XIRP2: variants seen among roughly 807,000 people sequenced by gnomAD.
XIRP2 encodes xin actin-binding repeat-containing protein 2.
A neutral mutation model predicts 277.0 loss-of-function variants in XIRP2; 236 were observed. The ratio of observed to expected loss-of-function variants is 0.85; its 90% CI spans 0.77 to 0.95. The LOEUF is 0.95. XIRP2 is among the 40% of genes least tolerant of loss of function. XIRP2 has a pLI of 0.00. For synonymous variants in XIRP2, 1,490 were observed against 1,416.5 expected, an observed-to-expected ratio of 1.05 and a Z score of -1.17; for missense variants, 4,640 against 4,157.5, an observed-to-expected ratio of 1.12 and a Z score of -3.19.
intron 2 of XIRP2, among the ~76,000 whole-genome samples, chr2:167,083,212 A>G (rs1558972907): frequency 6.6e-6 from 1 of 152,036 alleles, no homozygotes; most frequent in African/African-American, 2.4e-5. Context: ...TCCTTTCCCC[A>G]TTGCTTGCTT....
chr2:167,189,597 A>G (rs1399731020), intron 3 of XIRP2, among the ~76,000 whole-genome samples: 1 of 152,254 alleles, frequency 6.6e-6, no homozygotes, highest in East Asian at 1.9e-4. Context: ...CATCCCTCAC[A>G]GAACGGTTAC....
intron 2 of XIRP2, among the ~76,000 whole-genome samples, chr2:166,982,738 G>A (rs947827612): frequency 2.0e-5 from 3 of 151,978 alleles, no homozygotes; most frequent in Non-Finnish European, 2.9e-5. Context: ...CTATTTAAAA[G>A]CACATTTTCT....
chr2:167,037,545 G>A (rs1315125203), intron 2 of XIRP2, among the ~76,000 whole-genome samples: 1 of 151,332 alleles, frequency 6.6e-6, no homozygotes, highest in East Asian at 1.9e-4. Context: ...GTGTGTGTGT[G>A]TGTGTGTGTG....
chr2:167,012,009 T>C (rs868075712), intron 2 of XIRP2, among the ~76,000 whole-genome samples: 6 of 151,998 alleles, frequency 3.9e-5, no homozygotes, highest in Admixed American at 6.6e-5. Flanking sequence ...TTTGTTGATC[T>C]TTTCAAAAAA....
At chr2:167,128,874 A>T (rs184217272) in intron 2 of XIRP2, among the ~76,000 whole-genome samples, 89 of 152,222 alleles carry the variant, frequency 5.8e-4, no homozygotes, top group Admixed American at 3.9e-3. Flanking sequence ...CATCTTAATC[A>T]TTTTTGTAGT....
chr2:167,163,805 T>A (rs1305063522), intron 3 of XIRP2, among the ~76,000 whole-genome samples: 1 of 152,240 alleles, frequency 6.6e-6, no homozygotes, highest in East Asian at 1.9e-4. Flanking sequence ...AAATCTATGA[T>A]CTATGTTGAA....
At chr2:167,024,146 T>C (rs1203386378) in intron 2 of XIRP2, among the ~76,000 whole-genome samples, 1 of 152,124 alleles carries the variant, frequency 6.6e-6, no homozygotes, top group Non-Finnish European at 1.5e-5. Context: ...TGGTTTGTAG[T>C]TCTCCTTGAA....
intron 2 of XIRP2, among the ~76,000 whole-genome samples, chr2:167,056,704 T>C (rs1475625451): frequency 6.6e-6 from 1 of 152,184 alleles, no homozygotes; most frequent in Admixed American, 6.5e-5. Context: ...ATACATATTT[T>C]TATTTGTTTA....
chr2:167,024,571 T>A (rs956437149), intron 2 of XIRP2, among the ~76,000 whole-genome samples: 2 of 152,168 alleles, frequency 1.3e-5, no homozygotes, highest in African/African-American at 4.8e-5. Flanking sequence ...GCCCATTCAG[T>A]ATGATATTGG....
chr2:167,171,277 A>T (rs1692682987), intron 3 of XIRP2, among the ~76,000 whole-genome samples: 2 of 151,980 alleles, frequency 1.3e-5, no homozygotes, highest in South Asian at 4.2e-4. Context: ...CAATTTAAAC[A>T]TGTTTTTAGC....
At chr2:167,029,944 T>C (rs1574183508) in intron 2 of XIRP2, among the ~76,000 whole-genome samples, 1 of 151,724 alleles carries the variant, frequency 6.6e-6, no homozygotes, top group Non-Finnish European at 1.5e-5. Flanking sequence ...GTCTTGGGAG[T>C]GTGTATGTGT....
intron 3 of XIRP2, chr2:167,187,498 A>G (rs1693192355): frequency 2.0e-6 from 2 of 985,332 alleles, no homozygotes; most frequent in Non-Finnish European, 2.4e-6. Context: ...TGATATTTCC[A>G]CAAACTTGGG....
At chr2:167,012,752 G>C (rs1291382168) in intron 2 of XIRP2, among the ~76,000 whole-genome samples, 1 of 151,334 alleles carries the variant, frequency 6.6e-6, no homozygotes, top group African/African-American at 2.4e-5. Flanking sequence ...TTTTCTTTTA[G>C]AGATTCAGAC....
chr2:167,189,407 C>T (rs995197366), intron 3 of XIRP2, among the ~76,000 whole-genome samples: 5 of 152,116 alleles, frequency 3.3e-5, no homozygotes, highest in African/African-American at 4.8e-5. Context: ...CAGTGTAATT[C>T]CAAGATTTTT....
chr2:167,178,658 T>C (rs1692922605), intron 3 of XIRP2, among the ~76,000 whole-genome samples: 1 of 152,156 alleles, frequency 6.6e-6, no homozygotes, highest in African/African-American at 2.4e-5. Context: ...TTCACTTTTT[T>C]TTTTCTTTTT....
intron 2 of XIRP2, among the ~76,000 whole-genome samples, chr2:167,019,906 A>G (rs1249612255): frequency 1.3e-5 from 2 of 152,068 alleles, no homozygotes; most frequent in Non-Finnish European, 2.9e-5. Context: ...CTGCCAGTCT[A>G]AGTGCTTCTA....
chr2:167,189,109 A>T (rs1371215005), intron 3 of XIRP2, among the ~76,000 whole-genome samples: 1 of 152,096 alleles, frequency 6.6e-6, no homozygotes, highest in Non-Finnish European at 1.5e-5. Flanking sequence ...CTTTACCTTT[A>T]CCATGTTTGA....
At chr2:166,985,841 C>T (rs557611003) in intron 2 of XIRP2, among the ~76,000 whole-genome samples, 2 of 152,252 alleles carry the variant, frequency 1.3e-5, no homozygotes, top group African/African-American at 4.8e-5. Flanking sequence ...TCTTAGGGGT[C>T]AGTCTCCCAA....
intron 2 of XIRP2, among the ~76,000 whole-genome samples, chr2:167,012,057 T>TC (rs1345558270): frequency 6.6e-6 from 1 of 151,940 alleles, no homozygotes; most frequent in Non-Finnish European, 1.5e-5. Flanking sequence ...AAGGGTTTTT[T>TC]CCTTCAGTTC....
Sources: gnomAD v4.1 joint callset for allele counts (sites outside exome capture counted in the v4.1 genomes callset) on GRCh38, gnomAD v4.1.1 for gene constraint, MANE v1.5 for transcripts, NCBI Gene and HGNC (gene_info 2026-07-23, HGNC 2026-07-21) for gene names.